CALN1: variants seen among roughly 807,000 people sequenced by gnomAD.
CALN1 encodes the protein calneuron 1.
In CALN1, 17 loss-of-function variants were observed where a neutral mutation model predicts 30.6. That is an observed-to-expected ratio of 0.56 (90% CI 0.38 to 0.83). The LOEUF (loss-of-function observed/expected upper bound fraction) is 0.83, where lower values mean the gene tolerates loss of function less well. Among genes scored for constraint, CALN1 ranks in the 40% least tolerant of loss-of-function variants. CALN1 has a pLI of 0.00. For synonymous variants in CALN1, 156 were observed against 131.4 expected, an observed-to-expected ratio of 1.19 and a Z score of -1.28; for missense variants, 291 against 354.9, an observed-to-expected ratio of 0.82 and a Z score of 1.45.
intron 4 of CALN1, among the ~76,000 whole-genome samples, chr7:72,056,766 A>G (rs1034370671): frequency 2.0e-5 from 3 of 152,360 alleles, no homozygotes; most frequent in Admixed American, 2.0e-4. Flanking sequence ...GAAATTCATT[A>G]AAAGATGAAT....
chr7:71,982,425 T>C (rs1798448430), intron 5 of CALN1, among the ~76,000 whole-genome samples: 1 of 152,138 alleles, frequency 6.6e-6, no homozygotes, highest in African/African-American at 2.4e-5. Flanking sequence ...CAAAACCCTG[T>C]CTCTACTAAA....
At chr7:72,022,548 A>C (rs1250652691) in intron 5 of CALN1, among the ~76,000 whole-genome samples, 1 of 152,154 alleles carries the variant, frequency 6.6e-6, no homozygotes, top group East Asian at 1.9e-4. Context: ...ATGCGCCATC[A>C]CATTTGGCTA....
chr7:72,118,652 A>C (rs1808163860), intron 3 of CALN1, among the ~76,000 whole-genome samples: 1 of 152,228 alleles, frequency 6.6e-6, no homozygotes, highest in African/African-American at 2.4e-5. Context: ...GAGATACTGA[A>C]AGCTCCAGGC....
At chr7:72,400,411 A>C (rs184894289) in intron 2 of CALN1, among the ~76,000 whole-genome samples, 3 of 152,314 alleles carry the variant, frequency 2.0e-5, no homozygotes, top group African/African-American at 4.8e-5. Context: ...CAAGAGACTT[A>C]GCTTTCTCAG....
chr7:72,461,153 T>C, the CALN1 span, among the ~76,000 whole-genome samples: 1 of 151,784 alleles, frequency 6.6e-6, no homozygotes, highest in Non-Finnish European at 1.5e-5. Flanking sequence ...GGTACAAAAG[T>C]CAAAAAGTAA....
intron 5 of CALN1, among the ~76,000 whole-genome samples, chr7:71,814,502 A>C (rs908785582): frequency 6.6e-6 from 1 of 152,108 alleles, no homozygotes; most frequent in South Asian, 2.1e-4. Flanking sequence ...ATTGATGAGC[A>C]AGAGTGTGGA....
At chr7:72,188,700 A>C (rs527810147) in intron 3 of CALN1, among the ~76,000 whole-genome samples, 28 of 152,352 alleles carry the variant, frequency 1.8e-4, no homozygotes, top group African/African-American at 6.7e-4. Flanking sequence ...AAATGTATGG[A>C]AATAGAAAAT....
At chr7:71,821,380 ACCGTT>A (rs1026955735) in intron 5 of CALN1, among the ~76,000 whole-genome samples, 17 of 152,258 alleles carry the variant, frequency 1.1e-4, no homozygotes, top group African/African-American at 4.1e-4. Flanking sequence ...TAAAGGACTC[ACCGTT>A]CCACATGGCT....
chr7:71,810,143 G>A (rs1787864437), intron 6 of CALN1, among the ~76,000 whole-genome samples, 193 bp downstream of exon 6: 1 of 152,094 alleles, frequency 6.6e-6, no homozygotes. Context: ...GCAGAATTTG[G>A]AGGAGAAAGA....
intron 3 of CALN1, among the ~76,000 whole-genome samples, chr7:72,154,737 T>G (rs1787531747): frequency 6.6e-6 from 1 of 152,096 alleles, no homozygotes; most frequent in Non-Finnish European, 1.5e-5. Flanking sequence ...ATAAGGCTGG[T>G]GTCCTTAATA....
chr7:72,285,431 G>C (rs1257662586), intron 2 of CALN1, among the ~76,000 whole-genome samples: 1 of 152,046 alleles, frequency 6.6e-6, no homozygotes, highest in Non-Finnish European at 1.5e-5. Flanking sequence ...TTTTAGTAGA[G>C]ATGGGGTTTC....
At chr7:72,269,687 T>C (rs1046509067) in intron 3 of CALN1, among the ~76,000 whole-genome samples, 10 of 152,164 alleles carry the variant, frequency 6.6e-5, no homozygotes, top group African/African-American at 1.7e-4. Context: ...CAGCCAGTAA[T>C]TGAATTACCT....
At chr7:71,972,016 A>AAAG (rs1562946926) in intron 5 of CALN1, among the ~76,000 whole-genome samples, 34 of 143,788 alleles carry the variant, frequency 2.4e-4, no homozygotes, top group East Asian at 6.4e-4. Flanking sequence ...AAAAAGAAAG[A>AAAG]AAAGAAAGAA....
intron 5 of CALN1, among the ~76,000 whole-genome samples, chr7:71,905,381 A>AG (rs1794075152): frequency 7.5e-6 from 1 of 132,524 alleles, no homozygotes; most frequent in Admixed American, 8.0e-5. Flanking sequence ...CCTAATGTGT[A>AG]GTTTTTTTTT....
At chr7:72,047,526 C>A (rs1372469250) in intron 4 of CALN1, among the ~76,000 whole-genome samples, 1 of 152,128 alleles carries the variant, frequency 6.6e-6, no homozygotes, top group Non-Finnish European at 1.5e-5. Context: ...GACTTAGAGA[C>A]TGCACTGAGC....
chr7:72,492,133 G>A, the CALN1 span, among the ~76,000 whole-genome samples: 2 of 152,186 alleles, frequency 1.3e-5, no homozygotes, highest in Admixed American at 1.3e-4. Context: ...AACAGAGGTA[G>A]CCGACAGGTA....
chr7:71,928,344 G>T (rs1415333414), intron 5 of CALN1, among the ~76,000 whole-genome samples: 2 of 151,610 alleles, frequency 1.3e-5, no homozygotes, highest in Non-Finnish European at 2.9e-5. Context: ...CTCAATGGTT[G>T]TGTCCAATCT....
chr7:72,289,563 A>T (rs1174124896), intron 2 of CALN1, among the ~76,000 whole-genome samples: 1 of 152,170 alleles, frequency 6.6e-6, no homozygotes, highest in East Asian at 1.9e-4. Context: ...ACAAGGACCA[A>T]TTCCAAGCTC....
chr7:72,150,871 ATATGAT>A (rs1343859815), intron 3 of CALN1, among the ~76,000 whole-genome samples: 1 of 118,566 alleles, frequency 8.4e-6, no homozygotes, highest in African/African-American at 2.9e-5. Flanking sequence ...TGCTGTGATG[ATATGAT>A]GATGATGATG....
Sources: allele counts gnomAD v4.1 joint callset (sites outside exome capture counted in the v4.1 genomes callset), GRCh38; gene constraint gnomAD v4.1.1; transcripts MANE v1.5; gene names NCBI Gene and HGNC (gene_info 2026-07-23, HGNC 2026-07-21).